WARS2: variants seen among roughly 807,000 people sequenced by gnomAD.
WARS2 encodes the protein tryptophanyl tRNA synthetase 2, mitochondrial.
In WARS2, 28 loss-of-function variants were observed where a neutral mutation model predicts 36.5. The ratio of observed to expected loss-of-function variants is 0.77; its 90% confidence interval spans 0.57 to 1.05. WARS2 has a LOEUF of 1.05. Ranked by LOEUF, WARS2 falls within the 50% of genes least tolerant of loss-of-function variation. The pLI, the probability that WARS2 is intolerant of heterozygous loss-of-function variation, is 0.00. For synonymous variants in WARS2, 174 were observed against 178.4 expected (o/e 0.98, Z 0.20); for missense variants, 435 against 456.8 (o/e 0.95, Z 0.44).
At chr1:119,081,026 C>T (rs970642573) in intron 1 of WARS2, among the ~76,000 whole-genome samples, 1 of 152,146 alleles carries the variant, frequency 6.6e-6, no homozygotes, top group African/African-American at 2.4e-5. Flanking sequence ...CCAGCCTATA[C>T]ATTTATTGGC....
chr1:119,052,987 C>T (rs796732069), intron 2 of WARS2, among the ~76,000 whole-genome samples: 3 of 152,316 alleles, frequency 2.0e-5, no homozygotes, highest in African/African-American at 7.2e-5. Context: ...CACTCACTTT[C>T]CACTGGCTAA....
chr1:119,071,200 G>T (rs1371132193), intron 2 of WARS2, among the ~76,000 whole-genome samples: 3 of 152,084 alleles, frequency 2.0e-5, no homozygotes, highest in African/African-American at 7.2e-5. Context: ...AATATGTGTT[G>T]GCAAAGATGT....
chr1:119,092,671 G>C (rs1282519408), intron 1 of WARS2, among the ~76,000 whole-genome samples: 1 of 152,100 alleles, frequency 6.6e-6, no homozygotes, highest in East Asian at 1.9e-4. Context: ...CCAATTACTA[G>C]CTATGTGATC....
chr1:119,079,450 G>T lies in WARS2; in HGVS notation c.91-2843C>A, dbSNP rs1253960407. ...TTTTTTGCTGCTTCTTTTTAGATCA[G>T]ATTAGAAGCTGCAATTGCTGGTTGG... On this transcript the variant is annotated intron_variant, in intron 1 of 5. Coordinates refer to ENST00000235521, the MANE Select transcript of WARS2 (RefSeq NM_015836.4). Among the ~76,000 whole-genome samples the T allele has an allele frequency of 3.9e-5, 6 of 152,058 alleles. 1 individual carries two copies. Among genetic ancestry groups the T allele is most frequent in the Admixed American group, 3.9e-4 (6 of 15,262 alleles).
intron 2 of WARS2, among the ~76,000 whole-genome samples, chr1:119,074,287 T>G (rs1405004811): frequency 6.6e-6 from 1 of 152,194 alleles, no homozygotes; most frequent in Admixed American, 6.5e-5. Context: ...GACAGCTAGT[T>G]TGTAGAAGGC....
intron 1 of WARS2, 27 bp downstream of exon 1, chr1:119,140,528 G>A (rs762338734): frequency 3.1e-6 from 5 of 1,605,000 alleles, no homozygotes; most frequent in Non-Finnish European, 4.3e-6. Flanking sequence ...ATGGGAAGCC[G>A]CGGAGGGAAG....
chr1:119,116,029 T>C (rs1654944916), intron 1 of WARS2, among the ~76,000 whole-genome samples: 1 of 152,214 alleles, frequency 6.6e-6, no homozygotes, highest in African/African-American at 2.4e-5. Context: ...GTTTGCGCTA[T>C]TGTGTAAGCA....
At chr1:119,117,273 G>T (rs1655032385) in intron 1 of WARS2, among the ~76,000 whole-genome samples, 1 of 152,076 alleles carries the variant, frequency 6.6e-6, no homozygotes, top group Admixed American at 6.5e-5. Flanking sequence ...GCTGCAGCAA[G>T]CCCCACCTAA....
intron 1 of WARS2, among the ~76,000 whole-genome samples, chr1:119,081,350 C>A (rs1367731003): frequency 1.3e-5 from 2 of 152,164 alleles, no homozygotes; most frequent in African/African-American, 4.8e-5. Flanking sequence ...AGAAGGCTGC[C>A]TACTAGCTTT....
chr1:119,048,956 G>C (rs1168940379), intron 2 of WARS2, among the ~76,000 whole-genome samples: 1 of 152,124 alleles, frequency 6.6e-6, no homozygotes, highest in African/African-American at 2.4e-5. Flanking sequence ...CCAGCTACTC[G>C]GGAGGCTGAG....
intron 1 of WARS2, among the ~76,000 whole-genome samples, chr1:119,135,418 G>T (rs1656414767): frequency 1.3e-5 from 2 of 152,198 alleles, no homozygotes; most frequent in Non-Finnish European, 1.5e-5. Context: ...AGGGATTCAT[G>T]TAAGATTTCA....
intron 2 of WARS2, among the ~76,000 whole-genome samples, chr1:119,075,754 T>G (rs1651679069): frequency 6.6e-6 from 1 of 152,202 alleles, no homozygotes; most frequent in African/African-American, 2.4e-5. Flanking sequence ...TGTCCAAGAA[T>G]AAACTGATTC....
intron 1 of WARS2, among the ~76,000 whole-genome samples, chr1:119,137,848 G>C (rs1656622228): frequency 6.6e-6 from 1 of 152,094 alleles, no homozygotes; most frequent in Non-Finnish European, 1.5e-5. Context: ...GTTTACATCT[G>C]CATCCTCTGA....
At chr1:119,048,005 T>C (rs1649003067) in intron 2 of WARS2, among the ~76,000 whole-genome samples, 3 of 152,336 alleles carry the variant, frequency 2.0e-5, no homozygotes, top group South Asian at 2.1e-4. Flanking sequence ...AGACATACAA[T>C]GTACCTCAGG....
intron 1 of WARS2, among the ~76,000 whole-genome samples, chr1:119,089,946 T>C (rs1330204264): frequency 6.6e-6 from 1 of 152,044 alleles, no homozygotes; most frequent in Non-Finnish European, 1.5e-5. Flanking sequence ...GGACACATGG[T>C]GGGGAACACC....
chr1:119,090,464 A>G (rs1449570964), intron 1 of WARS2, among the ~76,000 whole-genome samples: 1 of 152,240 alleles, frequency 6.6e-6, no homozygotes, highest in Non-Finnish European at 1.5e-5. Context: ...GACAGCCTAC[A>G]TACCTAACTT....
chr1:119,093,249 G>C (rs1653168748), intron 1 of WARS2, among the ~76,000 whole-genome samples: 1 of 151,826 alleles, frequency 6.6e-6, no homozygotes, highest in South Asian at 2.1e-4. Context: ...CCTAACACTA[G>C]AGTAAGTATC....
chr1:119,101,016 G>A (rs113486642), intron 1 of WARS2, among the ~76,000 whole-genome samples: 1 of 152,270 alleles, frequency 6.6e-6, no homozygotes, highest in Admixed American at 6.5e-5. Context: ...TTGATCATAT[G>A]GAAGTAAAGA....
intron 1 of WARS2, chr1:119,082,490 C>T (rs1455806693): frequency 2.0e-6 from 2 of 978,334 alleles, no homozygotes; most frequent in African/African-American, 3.5e-5. Flanking sequence ...TAGGGAAGGA[C>T]ACTGCTAAGT....
Sources: allele counts gnomAD v4.1 joint callset (sites outside exome capture counted in the v4.1 genomes callset), GRCh38; gene constraint gnomAD v4.1.1; transcripts MANE v1.5; gene names NCBI Gene and HGNC (gene_info 2026-07-23, HGNC 2026-07-21).